WASL: variants seen among roughly 807,000 people sequenced by gnomAD.
WASL encodes the protein actin nucleation-promoting factor WASL.
WASL carries 20 observed loss-of-function variants against 55.5 expected under a neutral mutation model. That is an observed-to-expected ratio of 0.36 (90% confidence interval 0.25 to 0.52). The LOEUF is 0.52. WASL is among the 20% of genes least tolerant of loss of function. The pLI, the probability that WASL is intolerant of heterozygous loss-of-function variation, is 0.92. For synonymous variants in WASL, 249 were observed against 217.6 expected, an observed-to-expected ratio of 1.14 and a Z score of -1.27; for missense variants, 504 against 622.5, an observed-to-expected ratio of 0.81 and a Z score of 2.03.
chr7:123,709,023 AC>A (rs1387397050), intron 2 of WASL, 65 bp downstream of exon 2: 1 of 1,426,942 alleles, frequency 7.0e-7, no homozygotes, highest in African/African-American at 1.5e-5. Context: ...ACAAATCTAA[AC>A]TAAATTATAA....
chr7:123,716,638 A>T (rs1803846880), intron 1 of WASL, among the ~76,000 whole-genome samples: 1 of 151,952 alleles, frequency 6.6e-6, no homozygotes, highest in Non-Finnish European at 1.5e-5. Context: ...GGATGGAGGG[A>T]GAGAGAGGTA....
intron 1 of WASL, among the ~76,000 whole-genome samples, chr7:123,709,919 G>T (rs746551351): frequency 1.3e-5 from 2 of 152,078 alleles, no homozygotes; most frequent in Non-Finnish European, 2.9e-5. Context: ...AGTGACTATT[G>T]TCTCAATTTT....
Position 123,748,525 on chromosome 7 carries a change from C to T in WASL, c.117+93G>A. 2.8e-6 allele frequency: 4 copies of T among 1,405,256 alleles called. No individual in the cohort carries two copies. The South Asian group carries it at 4.8e-5, about 17-fold the overall frequency. The allele number at this position is 1,405,256 out of a possible 1,614,324, so 87.0% of individuals were successfully genotyped here. A position where few individuals can be genotyped will look rare whatever the true frequency, so the allele number is the denominator to read the frequency against. ...CTGGCGGGAGGCCTGGCCCGCGCCG[C>T]TCCCGCCTCCTTCCCCACTCCCACT... On this transcript the variant is annotated intron_variant, in intron 1 of 10. Transcript: ENST00000223023.
At chr7:123,696,443 T>G (rs180864443) in intron 6 of WASL, 136 bp downstream of exon 6, 1 of 642,652 alleles carries the variant, frequency 1.6e-6, no homozygotes, top group Admixed American at 4.6e-5. Context: ...ATAAAGTACA[T>G]AGTTAAAACG....
Position 123,692,714 on chromosome 7 carries a change from G to A in WASL, c.980C>T (p.Pro327Leu). 1 of 1,517,724 alleles carries A rather than the reference G, an allele frequency of 6.6e-7. No individual in the cohort carries two copies. The highest frequency in any genetic ancestry group is 8.8e-7 in the Non-Finnish European group (1 of 1,135,462). The allele number at this position is 1,517,724 out of a possible 1,614,324, so 94.0% of individuals were successfully genotyped here. ...APTAAPPPPP[P>L]SRPSVAVPPP... ...AGGGACTGCTACACTTGGCCTGGAA[G>A]GAGGCGGTGGTGGAGGTGCAGCTGT... is the stretch of plus-strand genomic sequence containing the variant. The change falls in exon 9 of 11, where the codon CCT (proline) becomes CTT (leucine). Residue 327 changes from proline (P) to leucine (L), a missense_variant. Pro to Leu is a moderately conservative substitution (Grantham distance 98, BLOSUM62 -3). Transcript: ENST00000223023.
rs1210495842 is a variant in WASL at position 123,692,503 on chromosome 7, A to T, written c.1191T>A (p.His397Gln). Reference protein sequence around the residue: ...PPPGLPSDGDHQVPTTAGNKA... With the variant: ...PPPGLPSDGDQQVPTTAGNKA... The stretch of plus-strand genomic sequence containing the variant: ...TGTTTCCTGCAGTAGTTGGAACCTG[A>T]TGGTCCCCATCAGAAGGCAGGCCAG... The change falls in exon 9 of 11, where the codon CAT becomes CAA. Residue 397 changes from histidine to glutamine, a missense_variant. Physicochemically the swap from His to Gln is conservative, Grantham distance 24. Transcript: ENST00000223023. The T allele has an allele frequency of 6.2e-7, 1 of 1,613,934 alleles. No individual in the cohort carries two copies. The highest frequency in any genetic ancestry group is 1.1e-5 in the South Asian group (1 of 91,078).
chr7:123,740,668 T>C (rs1428986768), intron 1 of WASL, among the ~76,000 whole-genome samples: 1 of 152,126 alleles, frequency 6.6e-6, no homozygotes, highest in African/African-American at 2.4e-5. Flanking sequence ...TCATCATGGC[T>C]TACTGCATCC....
intron 1 of WASL, among the ~76,000 whole-genome samples, chr7:123,739,536 G>A (rs1804294349): frequency 6.6e-6 from 1 of 152,140 alleles, no homozygotes; most frequent in Middle Eastern, 3.2e-3. Flanking sequence ...AACAAATTAT[G>A]TAAAATATTC....
At chr7:123,733,913 CAAAAA>C (rs33913069) in intron 1 of WASL, among the ~76,000 whole-genome samples, 2 of 110,792 alleles carry the variant, frequency 1.8e-5, no homozygotes, top group Non-Finnish European at 1.8e-5. Flanking sequence ...ATCCACGTGC[CAAAAA>C]AAAAAAAAAA....
chr7:123,707,161 AGAAG>A (rs562848530), intron 2 of WASL, among the ~76,000 whole-genome samples: 1 of 152,202 alleles, frequency 6.6e-6, no homozygotes, highest in Non-Finnish European at 1.5e-5. Context: ...AATGTTACAT[AGAAG>A]GAATAGGATA....
chr7:123,740,430 TA>T (rs1188339069), intron 1 of WASL, among the ~76,000 whole-genome samples: 2 of 151,256 alleles, frequency 1.3e-5, no homozygotes, highest in African/African-American at 4.8e-5. Context: ...CTTCTGAGAC[TA>T]CTAACATAGA....
At chr7:123,697,503 C>A (rs1033501745) in intron 5 of WASL, among the ~76,000 whole-genome samples, 4 of 152,134 alleles carry the variant, frequency 2.6e-5, no homozygotes, top group African/African-American at 9.7e-5. Flanking sequence ...GAATGTGGAG[C>A]ATTCAACTGA....
chr7:123,735,536 A>G (rs527670866), intron 1 of WASL, among the ~76,000 whole-genome samples: 69 of 152,298 alleles, frequency 4.5e-4, no homozygotes, highest in Non-Finnish European at 6.0e-4. Flanking sequence ...AACAATTGTT[A>G]TATCTGTAGT....
intron 1 of WASL, among the ~76,000 whole-genome samples, chr7:123,738,498 A>G (rs868537731): frequency 1.6e-4 from 25 of 152,262 alleles, no homozygotes; most frequent in Middle Eastern, 3.4e-3. Flanking sequence ...TCTAGTTCCT[A>G]CTATCTAGCC....
At chr7:123,735,079 C>G (rs1804203385) in intron 1 of WASL, among the ~76,000 whole-genome samples, 1 of 145,582 alleles carries the variant, frequency 6.9e-6, no homozygotes, top group East Asian at 2.0e-4. Flanking sequence ...TGAGGAAAAC[C>G]AGCAGCAAAG....
intron 1 of WASL, among the ~76,000 whole-genome samples, chr7:123,713,828 CCA>C (rs1803797446): frequency 6.6e-6 from 1 of 152,180 alleles, no homozygotes. Context: ...AGTCAGGACT[CCA>C]TATCGCAGGG....
At chr7:123,734,463 A>C (rs1804192730) in intron 1 of WASL, among the ~76,000 whole-genome samples, 1 of 152,140 alleles carries the variant, frequency 6.6e-6, no homozygotes, top group Non-Finnish European at 1.5e-5. Context: ...TAAAAATCCA[A>C]AACACTGGTA....
chr7:123,746,877 T>A (rs1277134583), intron 1 of WASL, among the ~76,000 whole-genome samples: 2 of 152,246 alleles, frequency 1.3e-5, no homozygotes, highest in Non-Finnish European at 1.5e-5. Flanking sequence ...GTGTCTGGTA[T>A]GTAGAACACA....
chr7:123,736,519 C>T (rs1300388931), intron 1 of WASL, among the ~76,000 whole-genome samples: 2 of 152,052 alleles, frequency 1.3e-5, no homozygotes, highest in Non-Finnish European at 2.9e-5. Flanking sequence ...AACAATACAG[C>T]ATAATAGTCG....
Sources: gnomAD v4.1 joint callset for allele counts (sites outside exome capture counted in the v4.1 genomes callset) on GRCh38, gnomAD v4.1.1 for gene constraint, MANE v1.5 for transcripts, NCBI Gene and HGNC (gene_info 2026-07-23, HGNC 2026-07-21) for gene names.